The following USP6 variants were observed in gnomAD, a reference collection of about 807,000 sequenced individuals.
USP6 encodes ubiquitin specific peptidase 6.
Under a neutral mutation model 175.7 loss-of-function variants are expected in USP6, and 128 were observed. The ratio of observed to expected loss-of-function variants is 0.73; its 90% CI spans 0.63 to 0.84. USP6 has a LOEUF of 0.84. USP6 is among the 40% of genes least tolerant of loss of function. USP6 has a pLI of 0.00. For missense variants in USP6, 1,498 were observed against 1,760.3 expected (o/e 0.85, Z 2.67); for synonymous variants, 562 against 630.6 (o/e 0.89, Z 1.63).
At chr17:5,153,317 G>A (rs1240140812) in intron 30 of USP6, among the ~76,000 whole-genome samples, 1 of 152,148 alleles carries the variant, frequency 6.6e-6, no homozygotes, top group African/African-American at 2.4e-5. Context: ...ATGGAGTTTC[G>A]CTCTTGTTGC....
intron 30 of USP6, among the ~76,000 whole-genome samples, chr17:5,151,425 G>A (rs2073766712): frequency 8.1e-6 from 1 of 123,890 alleles, no homozygotes. Flanking sequence ...AAAATGCAAA[G>A]TCTGCATGTG....
At position 5,146,145 on chromosome 17, in the gene USP6, C is replaced by A. The variant is rs1190671835; in HGVS notation, c.2290C>A (p.Leu764Ile). ...TGGACTTAATTCAGAACAAATCCTA[C>A]TAGCAGAAGTACATGATTCCAACAT... ...LCGLNSEQILLAEVHDSNIKN... is the reference protein window; with the variant it reads ...LCGLNSEQILIAEVHDSNIKN... The change falls in exon 28 of 38, where the codon CTA (leucine) becomes ATA (isoleucine). Residue 764 changes from leucine (L) to isoleucine (I), a missense_variant. By Grantham distance (5) the Leu-to-Ile change is conservative (BLOSUM62 2). This residue lies in a region of USP6 where 1,217 missense variants were observed against 1,500.8 expected (regional missense o/e 0.81). Transcript: ENST00000574788. 1 of 1,611,794 alleles carries A rather than the reference C, an allele frequency of 6.2e-7. No homozygotes were observed.
intron 37 of USP6, among the ~76,000 whole-genome samples, chr17:5,172,529 C>A (rs75234718): frequency 1.7e-4 from 26 of 151,984 alleles, no homozygotes; most frequent in Non-Finnish European, 3.7e-4. Context: ...GACTCCATCT[C>A]AAAAAAATAA....
rs1449027568 is a variant in USP6 at position 5,132,097 on chromosome 17, G to A, written c.156-299G>A. 1.7e-5 allele frequency: 18 copies of A among 1,083,124 alleles called. No individual in the cohort carries two copies. The highest frequency in any genetic ancestry group is 3.3e-4 in the Middle Eastern group (1 of 3,008). 67.1% of individuals were successfully genotyped at this position (1,083,124 alleles called of 1,614,324 possible). A position where few individuals can be genotyped will look rare whatever the true frequency, so the allele number is the denominator to read the frequency against. ...TCAGGGCTAACCTTTCTCAGCTCCA[G>A]CAGAAAGCACCACCTCAAGTCCAGG... On this transcript the variant is annotated intron_variant, in intron 11 of 37. Transcript: ENST00000574788. This position sits in a 1 kb window ranked among gnomAD's most constrained non-coding sequence, Gnocchi z 4.7.
Position 5,135,083 on chromosome 17 carries a change from C to T in USP6, c.495-151C>T, listed in dbSNP as rs1409207363. On this transcript the variant is annotated intron_variant, in intron 15 of 37. Transcript: ENST00000574788. The stretch of plus-strand genomic sequence containing the variant: ...GTCACAGATGTGGATTTTACTGAAA[C>T]ATTTCTTCAACAGTCTCAGGCCCTG... 7.0e-6 allele frequency: 6 copies of T among 858,608 alleles called. No homozygotes were observed. The African/African-American group carries it at 8.3e-5, about 12-fold the overall frequency. 53.2% of individuals were successfully genotyped at this position (858,608 alleles called of 1,614,324 possible).
chr17:5,132,334 C>T lies in USP6; in HGVS notation c.156-62C>T. The T allele has an allele frequency of 1.2e-6, 2 of 1,612,006 alleles. No individual in the cohort carries two copies. Among genetic ancestry groups the T allele is most frequent in the Admixed American group, 1.7e-5 (1 of 60,018 alleles). On this transcript the variant is annotated intron_variant, in intron 11 of 37. Coordinates refer to ENST00000574788, the MANE Select transcript of USP6 (RefSeq NM_001304284.2). The surrounding 1 kb of genome is among the most constrained non-coding windows in gnomAD (Gnocchi z 4.7). ...AGCCAGTCCTTTCTGGGGGTCGGCT[C>T]CCAGGCTTGGGCGGCTCCAGGCCCT...
Position 5,172,990 on chromosome 17 carries a change from T to C in USP6, c.*12T>C, listed in dbSNP as rs747280529. On this transcript the variant is annotated 3_prime_UTR_variant, in exon 38 of 38. Transcript: ENST00000574788. ...CTATGTTACAGTAAAGCTACCACTC[T>C]GGCTGCTAGACAGCTTGGTGGCGAG... is the stretch of plus-strand genomic sequence containing the variant. The C allele has an allele frequency of 8.1e-6, 13 of 1,612,950 alleles. No homozygotes were observed. The highest frequency in any genetic ancestry group is 1.3e-5 in the African/African-American group (1 of 74,926).
intron 37 of USP6, among the ~76,000 whole-genome samples, chr17:5,172,517 G>A (rs2074248753): frequency 6.6e-6 from 1 of 152,140 alleles, no homozygotes. Context: ...GTGACAGAGC[G>A]AGACTCCATC....
chr17:5,123,905 GCACA>G (rs894951754), intron 4 of USP6, among the ~76,000 whole-genome samples: 26 of 141,596 alleles, frequency 1.8e-4, no homozygotes, highest in Admixed American at 4.8e-4. Context: ...ACGCACGTGC[GCACA>G]CACACACACG....
In USP6 at chr17:5,173,000, A is replaced by G; in HGVS notation, c.*22A>G. On this transcript the variant is annotated 3_prime_UTR_variant, in exon 38 of 38. Coordinates refer to ENST00000574788, the MANE Select transcript of USP6 (RefSeq NM_001304284.2). Reference sequence around the variant, plus strand: ...GTAAAGCTACCACTCTGGCTGCTAGACAGCTTGGTGGCGAGGGAGATGACT... The same window carrying G: ...GTAAAGCTACCACTCTGGCTGCTAGGCAGCTTGGTGGCGAGGGAGATGACT... 1 of 1,610,292 alleles carries G rather than the reference A, an allele frequency of 6.2e-7. No individual in the cohort carries two copies. Among genetic ancestry groups the G allele is most frequent in the Non-Finnish European group, 8.5e-7 (1 of 1,176,906 alleles).
intron 1 of USP6, 59 bp from the exon 2 acceptor site, chr17:5,118,141 T>C (rs1018147324): frequency 2.0e-5 from 3 of 152,202 alleles, no homozygotes; most frequent in Admixed American, 6.5e-5. Context: ...TATTCTACCA[T>C]AGTCATGTGC....
chr17:5,161,754 G>T, intron 32 of USP6, 140 bp downstream of exon 32: 1 of 989,186 alleles, frequency 1.0e-6, no homozygotes. Flanking sequence ...CATGGCTCAG[G>T]CCTGTAATCC....
intron 4 of USP6, among the ~76,000 whole-genome samples, chr17:5,122,823 C>T (rs1490098031): frequency 2.0e-5 from 3 of 152,222 alleles, no homozygotes; most frequent in Non-Finnish European, 4.4e-5. Context: ...GCGGAGAGCG[C>T]ACTGAGCTCT....
At position 5,173,017 on chromosome 17, in the gene USP6, G is replaced by A; in HGVS notation, c.*39G>A. ...GCTGCTAGACAGCTTGGTGGCGAGG[G>A]AGATGACTCCTTGTAGCTGATACTT... On this transcript the variant is annotated 3_prime_UTR_variant, in exon 38 of 38. Transcript: ENST00000574788. 6.2e-7 allele frequency: 1 copy of A among 1,603,048 alleles called. No individual in the cohort carries two copies. Among genetic ancestry groups the A allele is most frequent in the South Asian group, 1.1e-5 (1 of 90,194 alleles).
chr17:5,146,940 A>G, intron 28 of USP6, 143 bp from the exon 29 acceptor site: 1 of 815,908 alleles, frequency 1.2e-6, no homozygotes, highest in Non-Finnish European at 1.9e-6. Flanking sequence ...TTCATCCTTT[A>G]TGTAGTTGAA....
chr17:5,135,068 T>C, intron 15 of USP6, 166 bp from the exon 16 acceptor site: 1 of 752,006 alleles, frequency 1.3e-6, no homozygotes, highest in Non-Finnish European at 2.3e-6. Flanking sequence ...GTCACAGATG[T>C]GGATTTTACT....
chr17:5,146,964 A>G (rs1268377016), intron 28 of USP6, 119 bp from the exon 29 acceptor site: 3 of 1,027,032 alleles, frequency 2.9e-6, no homozygotes, highest in Non-Finnish European at 4.2e-6. Context: ...TTATTCAATC[A>G]TCTCGTTGGT....
At position 5,173,004 on chromosome 17, in the gene USP6, C is replaced by G. The variant is rs766281484; in HGVS notation, c.*26C>G. 14 of 1,607,328 alleles carry G rather than the reference C, an allele frequency of 8.7e-6. No homozygotes were observed. In the African/African-American group the frequency reaches 1.7e-4, roughly 20 times the overall value. ...AGCTACCACTCTGGCTGCTAGACAG[C>G]TTGGTGGCGAGGGAGATGACTCCTT... is the stretch of plus-strand genomic sequence containing the variant. On this transcript the variant is annotated 3_prime_UTR_variant, in exon 38 of 38. Transcript: ENST00000574788.
Position 5,124,695 on chromosome 17 carries a change from C to G in USP6, c.-1169C>G, listed in dbSNP as rs562018644. ...GGACTGACACTCATGACCTCCAGTACTGTGAGACAGTAACATTCTGTTGTT... is the reference window on the plus strand; with the variant it reads ...GGACTGACACTCATGACCTCCAGTAGTGTGAGACAGTAACATTCTGTTGTT... On this transcript the variant is annotated 5_prime_UTR_variant, in exon 5 of 38. Coordinates refer to ENST00000574788, the MANE Select transcript of USP6 (RefSeq NM_001304284.2). The G allele has an allele frequency of 5.2e-5, 8 of 152,384 alleles. No homozygotes were observed. The highest frequency in any genetic ancestry group is 1.9e-4 in the African/African-American group (8 of 41,550). 9.4% of individuals were successfully genotyped at this position (152,384 alleles called of 1,614,324 possible). A position where few individuals can be genotyped will look rare whatever the true frequency, so the allele number is the denominator to read the frequency against.
Sources: gnomAD v4.1 joint callset for allele counts (sites outside exome capture counted in the v4.1 genomes callset) on GRCh38, gnomAD v4.1.1 for gene constraint, gnomAD v4.1.1 regional missense constraint, Gnocchi (gnomAD v3.1) non-coding constraint, MANE v1.5 for transcripts, NCBI Gene and HGNC (gene_info 2026-07-23, HGNC 2026-07-21) for gene names.